The following NAALADL2 variants were observed in gnomAD, a reference collection of about 807,000 sequenced individuals.
NAALADL2 encodes the protein N-acetylated alpha-linked acidic dipeptidase like 2.
NAALADL2 carries 76 observed loss-of-function variants against 87.2 expected under a neutral mutation model. The ratio of observed to expected loss-of-function variants is 0.87; its 90% CI spans 0.72 to 1.05. The LOEUF (loss-of-function observed/expected upper bound fraction) is 1.05, where lower values mean the gene tolerates loss of function less well. Among genes scored for constraint, NAALADL2 ranks in the 50% least tolerant of loss-of-function variants. The pLI is 0.00. For missense variants in NAALADL2, 1,089 were observed against 945.8 expected (o/e 1.15, Z -1.99); for synonymous variants, 354 against 331.0 (o/e 1.07, Z -0.75).
At chr3:175,577,902 TA>T (rs1373171049) in intron 10 of NAALADL2, among the ~76,000 whole-genome samples, 12 of 152,110 alleles carry the variant, frequency 7.9e-5, no homozygotes, top group South Asian at 2.1e-4. Flanking sequence ...TTTTAAATAT[TA>T]AAAAAAGGCC....
chr3:175,279,164 G>C (rs1364789792), intron 4 of NAALADL2, among the ~76,000 whole-genome samples: 1 of 152,148 alleles, frequency 6.6e-6, no homozygotes, highest in Non-Finnish European at 1.5e-5. Flanking sequence ...GCGCCTGACA[G>C]TGACAAGTCA....
chr3:175,643,322 T>C (rs1189563861), intron 11 of NAALADL2, among the ~76,000 whole-genome samples: 1 of 152,236 alleles, frequency 6.6e-6, no homozygotes, highest in Non-Finnish European at 1.5e-5. Flanking sequence ...AGTATTCTTG[T>C]ACATGTCCCT....
intron 3 of NAALADL2, among the ~76,000 whole-genome samples, chr3:174,817,406 AC>A (rs1463522928): frequency 2.0e-5 from 3 of 152,088 alleles, no homozygotes; most frequent in Non-Finnish European, 4.4e-5. Flanking sequence ...GTTTAAGACC[AC>A]CCTGGGCAAC....
intron 11 of NAALADL2, among the ~76,000 whole-genome samples, chr3:175,700,522 C>A (rs542907554): frequency 7.2e-5 from 11 of 152,210 alleles, no homozygotes; most frequent in Admixed American, 7.2e-4. Flanking sequence ...TATTGAAGAT[C>A]TTGTTGCTCT....
At chr3:174,835,263 A>G (rs1277523760) in intron 3 of NAALADL2, among the ~76,000 whole-genome samples, 1 of 152,116 alleles carries the variant, frequency 6.6e-6, no homozygotes, top group African/African-American at 2.4e-5. Context: ...TGGGGAAAAG[A>G]CAGCCGTTTC....
chr3:175,783,718 G>C (rs1310865225), intron 13 of NAALADL2, among the ~76,000 whole-genome samples: 1 of 150,938 alleles, frequency 6.6e-6, no homozygotes, highest in Non-Finnish European at 1.5e-5. Context: ...TAATTGCCCT[G>C]GCCAGAACTT....
At position 174,670,887 on chromosome 3, in the gene NAALADL2, G is replaced by T. The variant is rs139102061; in HGVS notation, c.-114-66754G>T. On this transcript the variant is annotated intron_variant, in intron 2 of 3. Transcript: ENST00000434257. ...GCTTGGTGGGAGGTGACTAGATCAT[G>T]CGAGTGGTTTTTCATTGTTTAACAC... is the stretch of plus-strand genomic sequence containing the variant. Among the ~76,000 whole-genome samples, 24 of 152,108 alleles carry T rather than the reference G, an allele frequency of 1.6e-4. No homozygotes were observed. In the East Asian group the frequency reaches 3.5e-3, roughly 22 times the overall value.
rs146003133 is a variant in NAALADL2, at chr3:175,660,208, C to T, written c.1896+32822C>T. 2.0e-4 allele frequency among the ~76,000 whole-genome samples: 31 copies of T among 152,212 alleles called. No individual in the cohort carries two copies. The East Asian group carries it at 5.8e-3, about 28-fold the overall frequency. ...TCCCCACCTCTTGATACTATTAAAT[C>T]AGAGATTAGGTTTCAACATGTACAT... On this transcript the variant is annotated intron_variant, in intron 11 of 13. Transcript: ENST00000454872.
rs1283096697 is a variant in NAALADL2, at chr3:175,809,846, A to G, written c.*6643A>G. ...ATTTTAGAAGTAAAATCTCAGTGGT[A>G]TAACATTTAAAACACAGCCTTAAAA... On this transcript the variant is annotated 3_prime_UTR_variant, in exon 14 of 14. Transcript: ENST00000454872. 2 of 152,110 alleles carry G rather than the reference A, an allele frequency of 1.3e-5. No individual in the cohort carries two copies. Among genetic ancestry groups the G allele is most frequent in the East Asian group, 1.9e-4 (1 of 5,194 alleles). 9.4% of individuals were successfully genotyped at this position (152,110 alleles called of 1,614,324 possible).
At chr3:175,228,497 A>G (rs1744480122) in intron 2 of NAALADL2, among the ~76,000 whole-genome samples, 1 of 151,878 alleles carries the variant, frequency 6.6e-6, no homozygotes, top group African/African-American at 2.4e-5. Flanking sequence ...ACAGAATCAT[A>G]AGAGAAATTC....
At chr3:175,242,092 C>G (rs943757585) in intron 3 of NAALADL2, among the ~76,000 whole-genome samples, 1 of 151,540 alleles carries the variant, frequency 6.6e-6, no homozygotes, top group African/African-American at 2.4e-5. Flanking sequence ...GAACTCCTGA[C>G]CTCGTGATCC....
intron 11 of NAALADL2, among the ~76,000 whole-genome samples, chr3:175,672,523 G>A (rs1415493212): frequency 6.6e-6 from 1 of 152,040 alleles, no homozygotes; most frequent in Non-Finnish European, 1.5e-5. Flanking sequence ...TGTTATTTTA[G>A]CTTTAGAAAA....
At chr3:174,773,298 CTGTTGT>C (rs1312114401) in intron 3 of NAALADL2, among the ~76,000 whole-genome samples, 1 of 152,088 alleles carries the variant, frequency 6.6e-6, no homozygotes, top group Non-Finnish European at 1.5e-5. Flanking sequence ...TTTCTCTTTC[CTGTTGT>C]TAGTTAATTG....
chr3:175,279,032 T>C (rs1753949039), intron 4 of NAALADL2, among the ~76,000 whole-genome samples: 1 of 152,178 alleles, frequency 6.6e-6, no homozygotes, highest in Non-Finnish European at 1.5e-5. Flanking sequence ...AAAAGTTCAC[T>C]TTGTGTATCC....
At chr3:174,700,542 T>C (rs1437633287) in intron 2 of NAALADL2, among the ~76,000 whole-genome samples, 1 of 152,098 alleles carries the variant, frequency 6.6e-6, no homozygotes, top group Non-Finnish European at 1.5e-5. Context: ...ACACAAAATA[T>C]ACTGTAGTAC....
At chr3:175,602,571 G>C (rs114157573) in intron 10 of NAALADL2, among the ~76,000 whole-genome samples, 1 of 151,738 alleles carries the variant, frequency 6.6e-6, no homozygotes, top group Non-Finnish European at 1.5e-5. Context: ...AAGCCAATGC[G>C]GTCAAAGAGA....
chr3:174,656,499 A>G (rs1043488988), intron 2 of NAALADL2, among the ~76,000 whole-genome samples: 48 of 152,214 alleles, frequency 3.2e-4, no homozygotes, highest in African/African-American at 1.1e-3. Flanking sequence ...GAGAAGTGTC[A>G]GCCTCAAAGC....
intron 3 of NAALADL2, among the ~76,000 whole-genome samples, chr3:174,826,053 GACAACAACAACAACAACA>G (rs890058578): frequency 8.9e-6 from 1 of 112,748 alleles, no homozygotes; most frequent in Non-Finnish European, 1.9e-5. Flanking sequence ...CAACAACAAC[GACAACAACAACAACAACA>G]ACAATCAAAC....
chr3:175,721,836 G>A (rs1309365929), intron 11 of NAALADL2, among the ~76,000 whole-genome samples: 2 of 152,014 alleles, frequency 1.3e-5, no homozygotes, highest in African/African-American at 2.4e-5. Context: ...GAAGGACCGT[G>A]AGCTACTCCT....
Sources: allele counts gnomAD v4.1 joint callset (sites outside exome capture counted in the v4.1 genomes callset), GRCh38; gene constraint gnomAD v4.1.1; transcripts MANE v1.5; gene names NCBI Gene and HGNC (gene_info 2026-07-23, HGNC 2026-07-21).